Variants in CCL7 observed in about 807,000 individuals in gnomAD.
CCL7 encodes the protein C-C motif chemokine 7.
CCL7 carries 8 observed loss-of-function variants against 7.1 expected under a neutral mutation model. That is an observed-to-expected ratio of 1.13 (90% confidence interval 0.66 to 2.04). CCL7 has a LOEUF of 2.04. CCL7 is among the 30% of genes most tolerant of loss of function. The pLI is 0.00. For synonymous variants in CCL7, 46 were observed against 41.2 expected (o/e 1.12, Z -0.45); for missense variants, 134 against 113.6 (o/e 1.18, Z -0.82).
At chr17:34,271,010 G>C in intron 1 of CCL7, 136 bp from the exon 2 acceptor site, 4 of 1,526,616 alleles carry the variant, frequency 2.6e-6, no homozygotes, top group Non-Finnish European at 3.5e-6. Context: ...CAGAGACATT[G>C]GGTTTGGGAT....
chr17:34,272,081 C>A lies in CCL7; in HGVS notation c.*279C>A. Reference sequence around the variant, plus strand: ...CTGTGGGATGCTCCTCCCTTCTCTACCTCATGGGGGTATTGTATAAGTCCT... The same window carrying A: ...CTGTGGGATGCTCCTCCCTTCTCTAACTCATGGGGGTATTGTATAAGTCCT... On this transcript the variant is annotated 3_prime_UTR_variant, in exon 3 of 3. Transcript: ENST00000378569. 1 of 327,996 alleles carries A rather than the reference C, an allele frequency of 3.0e-6. No homozygotes were observed. Among genetic ancestry groups the A allele is most frequent in the Non-Finnish European group, 5.6e-6 (1 of 179,624 alleles). The allele number at this position is 327,996 out of a possible 1,614,324, so 20.3% of individuals were successfully genotyped here. A position where few individuals can be genotyped will look rare whatever the true frequency, so the allele number is the denominator to read the frequency against.
At position 34,272,002 on chromosome 17, in the gene CCL7, G is replaced by T. The variant is rs1028791645; in HGVS notation, c.*200G>T. On this transcript the variant is annotated 3_prime_UTR_variant, in exon 3 of 3. Coordinates refer to ENST00000378569, the MANE Select transcript of CCL7 (RefSeq NM_006273.4). ...TTAATTTAATCTTCCATGGATTTTG[G>T]TGGGTTTTGAACATAAAGCCTTGGA... is the stretch of plus-strand genomic sequence containing the variant. 4.2e-6 allele frequency: 2 copies of T among 480,800 alleles called. No individual in the cohort carries two copies. Among genetic ancestry groups the T allele is most frequent in the East Asian group, 8.1e-5 (2 of 24,644 alleles). 29.8% of individuals were successfully genotyped at this position (480,800 alleles called of 1,614,324 possible).
At position 34,271,126 on chromosome 17, in the gene CCL7, T is replaced by C. The variant is rs751231810; in HGVS notation, c.77-20T>C. ...AGGACACACCCTCAATGGACTTTTC[T>C]TCTTGTTGTTTCATTGCAGTTGGGA... On this transcript the variant is annotated intron_variant, in intron 1 of 2. Transcript: ENST00000378569. 6.2e-7 allele frequency: 1 copy of C among 1,614,162 alleles called. No homozygotes were observed. The highest frequency in any genetic ancestry group is 8.5e-7 in the Non-Finnish European group (1 of 1,180,020).
chr17:34,271,078 C>T, intron 1 of CCL7, 68 bp from the exon 2 acceptor site: 1 of 1,603,314 alleles, frequency 6.2e-7, no homozygotes, highest in South Asian at 1.1e-5. Context: ...TTACCATTCC[C>T]TGTTTTACAA....
At chr17:34,271,641 C>A in intron 2 of CCL7, 56 bp from the exon 3 acceptor site, 1 of 1,174,908 alleles carries the variant, frequency 8.5e-7, no homozygotes, top group Non-Finnish European at 1.3e-6. Flanking sequence ...CTTGGTCACA[C>A]TCCCAGGCTG....
chr17:34,271,329 G>A, intron 2 of CCL7, 66 bp downstream of exon 2: 3 of 1,280,222 alleles, frequency 2.3e-6, no homozygotes, highest in African/African-American at 1.5e-5. Context: ...GCAGGGAATA[G>A]GACTAGTATC....
rs1381128511 is a variant in CCL7 at position 34,272,028 on chromosome 17, T to G, written c.*226T>G. ...TGGGTTTTGAACATAAAGCCTTGGA[T>G]GTATATGTCATCTCAGTGCTGTAAA... On this transcript the variant is annotated 3_prime_UTR_variant, in exon 3 of 3. Coordinates refer to ENST00000378569, the MANE Select transcript of CCL7 (RefSeq NM_006273.4). 2.3e-6 allele frequency: 1 copy of G among 434,830 alleles called. No individual in the cohort carries two copies. The allele number at this position is 434,830 out of a possible 1,614,324, so 26.9% of individuals were successfully genotyped here.
At position 34,272,171 on chromosome 17, in the gene CCL7, G is replaced by A. The variant is rs942454539; in HGVS notation, c.*369G>A. The A allele has an allele frequency of 6.3e-6, 1 of 159,576 alleles. No individual in the cohort carries two copies. Among genetic ancestry groups the A allele is most frequent in the South Asian group, 1.8e-4 (1 of 5,452 alleles). 9.9% of individuals were successfully genotyped at this position (159,576 alleles called of 1,614,324 possible). On this transcript the variant is annotated 3_prime_UTR_variant, in exon 3 of 3. Transcript: ENST00000378569. Reference sequence around the variant, plus strand: ...TATGATGTCCCTATGGAAGCATATTGTTATTATATAATTACATATTTGCAT... The same window carrying A: ...TATGATGTCCCTATGGAAGCATATTATTATTATATAATTACATATTTGCAT...
At chr17:34,271,631 C>T in intron 2 of CCL7, 66 bp from the exon 3 acceptor site, 1 of 1,017,738 alleles carries the variant, frequency 9.8e-7, no homozygotes, top group Admixed American at 2.2e-5. Context: ...TTCCCATAGA[C>T]TTGGTCACAC....
intron 2 of CCL7, 87 bp from the exon 3 acceptor site, chr17:34,271,610 G>A: frequency 2.4e-6 from 2 of 842,458 alleles, no homozygotes; most frequent in Non-Finnish European, 3.9e-6. Context: ...AGGCTGATGG[G>A]CTAGACAGAT....
rs1908192181 is a variant in CCL7, at chr17:34,271,982, T to C, written c.*180T>C. The stretch of plus-strand genomic sequence containing the variant: ...TTTTAAAAGTTATTAATATTTTAAT[T>C]TAATCTTCCATGGATTTTGGTGGGT... On this transcript the variant is annotated 3_prime_UTR_variant, in exon 3 of 3. Coordinates refer to ENST00000378569, the MANE Select transcript of CCL7 (RefSeq NM_006273.4). 1 of 520,552 alleles carries C rather than the reference T, an allele frequency of 1.9e-6. No homozygotes were observed. 32.2% of individuals were successfully genotyped at this position (520,552 alleles called of 1,614,324 possible). A position where few individuals can be genotyped will look rare whatever the true frequency, so the allele number is the denominator to read the frequency against.
At chr17:34,271,607 T>G (rs1908165575) in intron 2 of CCL7, 90 bp from the exon 3 acceptor site, 1 of 809,102 alleles carries the variant, frequency 1.2e-6, no homozygotes, top group Non-Finnish European at 2.0e-6. Context: ...GCTAGGCTGA[T>G]GGGCTAGACA....
At position 34,270,383 on chromosome 17, in the gene CCL7, C is replaced by A. The variant is rs201690631; in HGVS notation, c.76+17C>A. The A allele has an allele frequency of 2.5e-6, 4 of 1,610,698 alleles. No individual in the cohort carries two copies. Among genetic ancestry groups the A allele is most frequent in the Non-Finnish European group, 3.4e-6 (4 of 1,177,048 alleles). The stretch of plus-strand genomic sequence containing the variant: ...CTCAGCCAGGTAAGGTCCCTCTCTC[C>A]TTCTCCTTGAAGCACATTGCCCCCT... On this transcript the variant is annotated intron_variant, in intron 1 of 2. Transcript: ENST00000378569.
At chr17:34,270,399 A>T in intron 1 of CCL7, 33 bp downstream of exon 1, 1 of 1,567,962 alleles carries the variant, frequency 6.4e-7, no homozygotes, top group Non-Finnish European at 8.8e-7. Context: ...CTTGAAGCAC[A>T]TTGCCCCCTC....
chr17:34,271,567 T>C lies in CCL7; in HGVS notation c.195-130T>C. The C allele has an allele frequency of 4.8e-6, 3 of 629,640 alleles. No individual in the cohort carries two copies. In the South Asian group the frequency reaches 6.7e-5, roughly 14 times the overall value. 39.0% of individuals were successfully genotyped at this position (629,640 alleles called of 1,614,324 possible). A position where few individuals can be genotyped will look rare whatever the true frequency, so the allele number is the denominator to read the frequency against. On this transcript the variant is annotated intron_variant, in intron 2 of 2. Coordinates refer to ENST00000378569, the MANE Select transcript of CCL7 (RefSeq NM_006273.4). ...TGAGTCCCCTTCCTTTGTTTTATCT[T>C]CTTCCTTCATCCCTGAGGCATCCCC...
In CCL7 at chr17:34,271,818, C is replaced by G. The variant is rs757278940; in HGVS notation, c.*16C>G. 1.3e-6 allele frequency: 2 copies of G among 1,508,702 alleles called. No homozygotes were observed. Among genetic ancestry groups the G allele is most frequent in the Admixed American group, 3.5e-5 (2 of 57,720 alleles). The allele number at this position is 1,508,702 out of a possible 1,614,324, so 93.5% of individuals were successfully genotyped here. ...AAAGCTTTGAACATTCATGACTGAA[C>G]TGAAAACAAGCCATGACTTGAGAAA... On this transcript the variant is annotated 3_prime_UTR_variant, in exon 3 of 3. Coordinates refer to ENST00000378569, the MANE Select transcript of CCL7 (RefSeq NM_006273.4).
chr17:34,270,440 C>A, intron 1 of CCL7, 74 bp downstream of exon 1: 1 of 1,163,650 alleles, frequency 8.6e-7, no homozygotes. Flanking sequence ...TCAAGAAGAC[C>A]TGATACCCAC....
Position 34,270,316 on chromosome 17 carries a change from G to T in CCL7, c.26G>T (p.Cys9Phe), listed in dbSNP as rs752828634. MKASAALLCLLLTAAAFSP... is the reference protein window; with the variant it reads MKASAALLFLLLTAAAFSP... ...ATGAAAGCCTCTGCAGCACTTCTGTGTCTGCTGCTCACAGCAGCTGCTTTC... is the reference window on the plus strand; with the variant it reads ...ATGAAAGCCTCTGCAGCACTTCTGTTTCTGCTGCTCACAGCAGCTGCTTTC... The change falls in exon 1 of 3, where the codon TGT becomes TTT. Residue 9 changes from cysteine (C) to phenylalanine (F), a missense_variant. By Grantham distance (205) the Cys-to-Phe change is radical. Transcript: ENST00000378569. 5.0e-6 allele frequency: 8 copies of T among 1,614,062 alleles called. No individual in the cohort carries two copies. Among genetic ancestry groups the T allele is most frequent in the Non-Finnish European group, 6.8e-6 (8 of 1,180,040 alleles).
rs1908073169 is a variant in CCL7 at position 34,270,241 on chromosome 17, A to C, written c.-50A>C. On this transcript the variant is annotated 5_prime_UTR_variant, in exon 1 of 3. Transcript: ENST00000378569. Reference sequence around the variant, plus strand: ...AGAGGAGCAGAGGGGCTGAGACCAAACCAGAAACCTCCAATTCTCATGTGG... The same window carrying C: ...AGAGGAGCAGAGGGGCTGAGACCAACCCAGAAACCTCCAATTCTCATGTGG... 6.3e-7 allele frequency: 1 copy of C among 1,584,744 alleles called. No homozygotes were observed. Among genetic ancestry groups the C allele is most frequent in the African/African-American group, 1.3e-5 (1 of 74,322 alleles).
Sources: allele counts gnomAD v4.1 joint callset, GRCh38; gene constraint gnomAD v4.1.1; transcripts MANE v1.5; gene names NCBI Gene and HGNC (gene_info 2026-07-23, HGNC 2026-07-21).